PRKCA: variants seen among roughly 807,000 people sequenced by gnomAD.
PRKCA encodes protein kinase C alpha.
In PRKCA, 27 loss-of-function variants were observed where a neutral mutation model predicts 87.0. That is an observed-to-expected ratio of 0.31 (90% confidence interval 0.23 to 0.43). The LOEUF (loss-of-function observed/expected upper bound fraction) is 0.43, where lower values mean the gene tolerates loss of function less well. PRKCA is among the 20% of genes least tolerant of loss of function. The pLI is 1.00. For synonymous variants in PRKCA, 329 were observed against 311.1 expected, an observed-to-expected ratio of 1.06 and a Z score of -0.61; for missense variants, 518 against 852.3, an observed-to-expected ratio of 0.61 and a Z score of 4.88.
At chr17:66,510,565 T>C (rs551129516) in intron 3 of PRKCA, among the ~76,000 whole-genome samples, 29 of 152,306 alleles carry the variant, frequency 1.9e-4, no homozygotes, top group African/African-American at 6.3e-4. Flanking sequence ...AGCTAACAGC[T>C]TAAGGAATCA....
At chr17:66,787,005 T>C (rs1016224550) in intron 15 of PRKCA, 31 bp downstream of exon 15, 2 of 1,451,250 alleles carry the variant, frequency 1.4e-6, no homozygotes, top group Non-Finnish European at 1.9e-6. Context: ...TTTGTGATCA[T>C]GGACCAAGAG....
chr17:66,362,413 C>T (rs2048946491), intron 2 of PRKCA, among the ~76,000 whole-genome samples: 1 of 152,322 alleles, frequency 6.6e-6, no homozygotes, highest in East Asian at 1.9e-4. Context: ...CTTTAGCCTT[C>T]CTGATGCCTC....
intron 2 of PRKCA, among the ~76,000 whole-genome samples, chr17:66,493,627 T>C (rs575769257): frequency 6.6e-6 from 1 of 152,006 alleles, no homozygotes; most frequent in Admixed American, 6.6e-5. Flanking sequence ...ATTTGGGGGA[T>C]CTGGGCAGCA....
At position 66,687,114 on chromosome 17, in the gene PRKCA, G is replaced by A. The variant is rs151214307; in HGVS notation, c.533G>A (p.Arg178Gln). The change falls in exon 6 of 17, where the codon CGA becomes CAA. Residue 178 changes from arginine to glutamine, a missense_variant. Arg to Gln is a conservative substitution (Grantham distance 43). This residue lies in a region of PRKCA where 300 missense variants were observed against 496.8 expected (regional missense o/e 0.60). Transcript: ENST00000413366. ...VADEKLHVTV[R>Q]DAKNLIPMDP... is the part of the protein sequence containing the mutation. ...TTTCTTCCTTCTCTCTTCACAGTACGAGATGCAAAAAATCTAATCCCTATG... is the reference window on the plus strand; with the variant it reads ...TTTCTTCCTTCTCTCTTCACAGTACAAGATGCAAAAAATCTAATCCCTATG... 5.0e-6 allele frequency: 8 copies of A among 1,610,120 alleles called. No individual in the cohort carries two copies. The highest frequency in any genetic ancestry group is 1.3e-5 in the African/African-American group (1 of 74,832).
At chr17:66,389,704 G>C (rs1483484989) in intron 2 of PRKCA, among the ~76,000 whole-genome samples, 1 of 152,200 alleles carries the variant, frequency 6.6e-6, no homozygotes, top group Non-Finnish European at 1.5e-5. Context: ...TTCTTTTAGA[G>C]ATTGGCTGAG....
rs183923089 is a variant in PRKCA at position 66,567,204 on chromosome 17, A to G, written c.288+70921A>G. 2.5e-4 allele frequency among the ~76,000 whole-genome samples: 38 copies of G among 152,304 alleles called. No homozygotes were observed. The East Asian group carries it at 6.8e-3, about 27-fold the overall frequency. On this transcript the variant is annotated intron_variant, in intron 3 of 16. Coordinates refer to ENST00000413366, the MANE Select transcript of PRKCA (RefSeq NM_002737.3). ...CAGTATGAAATTCTGCCACAGGAATATAAGGTAATTAATTTCTCTAAGTAT... is the reference window on the plus strand; with the variant it reads ...CAGTATGAAATTCTGCCACAGGAATGTAAGGTAATTAATTTCTCTAAGTAT...
At chr17:66,669,841 G>C (rs190187237) in intron 5 of PRKCA, among the ~76,000 whole-genome samples, 135 of 152,362 alleles carry the variant, frequency 8.9e-4, no homozygotes, top group African/African-American at 3.2e-3. Flanking sequence ...GGCGGAGGTT[G>C]CAGTGAGCTG....
At chr17:66,710,124 A>C (rs1973287097) in intron 8 of PRKCA, among the ~76,000 whole-genome samples, 1 of 152,136 alleles carries the variant, frequency 6.6e-6, no homozygotes, top group South Asian at 2.1e-4. Flanking sequence ...TCCTGTCCTC[A>C]TAAAGCTTGA....
chr17:66,612,430 C>T (rs1243959793), intron 3 of PRKCA, among the ~76,000 whole-genome samples: 1 of 137,538 alleles, frequency 7.3e-6, no homozygotes, highest in Non-Finnish European at 1.6e-5. Flanking sequence ...ATATTTTAAA[C>T]ACCCAAGAGA....
In PRKCA at chr17:66,462,649, G is replaced by A. The variant is rs151000837; in HGVS notation, c.206-33552G>A. ...TATGTCCATTTTAGGATACTTTTTT[G>A]TAAGCCATGATATAGGTCTTCCCCA... On this transcript the variant is annotated intron_variant, in intron 2 of 16. Transcript: ENST00000413366. Among the ~76,000 whole-genome samples the A allele has an allele frequency of 1.6e-3, 238 of 152,128 alleles. 1 individual carries two copies. Among genetic ancestry groups the A allele is most frequent in the African/African-American group, 5.5e-3 (230 of 41,500 alleles).
At chr17:66,614,908 A>G (rs1970473928) in intron 3 of PRKCA, among the ~76,000 whole-genome samples, 1 of 152,188 alleles carries the variant, frequency 6.6e-6, no homozygotes, top group African/African-American at 2.4e-5. Context: ...CAAAAATTCC[A>G]AATAACAGCA....
At chr17:66,439,870 A>G (rs1913629750) in intron 2 of PRKCA, among the ~76,000 whole-genome samples, 1 of 152,210 alleles carries the variant, frequency 6.6e-6, no homozygotes, top group South Asian at 2.1e-4. Context: ...CAGCATTTCC[A>G]TGTTTTGAAA....
In PRKCA at chr17:66,680,460, G is replaced by C. The variant is rs559420660; in HGVS notation, c.530-6651G>C. On this transcript the variant is annotated intron_variant, in intron 5 of 16. Transcript: ENST00000413366. ...AGCCAGGAGCAGGGGTGCTCTTAGA[G>C]GGGGGGAGAAAAAGTAATAAAAACA... is the stretch of plus-strand genomic sequence containing the variant. Among the ~76,000 whole-genome samples, 75 of 152,216 alleles carry C rather than the reference G, an allele frequency of 4.9e-4. 1 individual carries two copies. The highest frequency in any genetic ancestry group is 1.8e-3 in the African/African-American group (73 of 41,534).
At chr17:66,392,646 T>C (rs1598635484) in intron 2 of PRKCA, among the ~76,000 whole-genome samples, 1 of 152,096 alleles carries the variant, frequency 6.6e-6, no homozygotes, top group Non-Finnish European at 1.5e-5. Flanking sequence ...TGAGGTGGTG[T>C]TTAGTCAGCT....
chr17:66,517,437 T>G (rs1460654835), intron 3 of PRKCA, among the ~76,000 whole-genome samples: 1 of 152,198 alleles, frequency 6.6e-6, no homozygotes, highest in Admixed American at 6.5e-5. Flanking sequence ...TACCACTTGT[T>G]GTAATTGTTC....
intron 3 of PRKCA, among the ~76,000 whole-genome samples, chr17:66,564,436 A>G (rs1403290816): frequency 1.3e-5 from 2 of 151,974 alleles, no homozygotes; most frequent in South Asian, 2.1e-4. Flanking sequence ...CAGCTCACAT[A>G]ATGTTTCTGT....
intron 3 of PRKCA, among the ~76,000 whole-genome samples, chr17:66,589,193 C>A (rs1969717344): frequency 6.6e-6 from 1 of 152,094 alleles, no homozygotes; most frequent in South Asian, 2.1e-4. Context: ...CTCCCATCCT[C>A]CCAAACTAGA....
chr17:66,369,663 G>A (rs1004932412), intron 2 of PRKCA, among the ~76,000 whole-genome samples: 2 of 152,148 alleles, frequency 1.3e-5, no homozygotes, highest in African/African-American at 2.4e-5. Context: ...GCACCTGCCC[G>A]TTTTCACTAT....
Position 66,472,909 on chromosome 17 carries a change from C to A in PRKCA, c.206-23292C>A, listed in dbSNP as rs554557521. ...TAATTTGTGGAGGTGAATGAGGCAG[C>A]CTTTGTTCTCTGCCAGACTTTAGTC... is the stretch of plus-strand genomic sequence containing the variant. On this transcript the variant is annotated intron_variant, in intron 2 of 16. Transcript: ENST00000413366. 9.9e-5 allele frequency among the ~76,000 whole-genome samples: 15 copies of A among 152,276 alleles called. No homozygotes were observed. In the South Asian group the frequency reaches 3.1e-3, roughly 32 times the overall value.
Sources: gnomAD v4.1 joint callset for allele counts (sites outside exome capture counted in the v4.1 genomes callset) on GRCh38, gnomAD v4.1.1 for gene constraint, gnomAD v4.1.1 regional missense constraint, MANE v1.5 for transcripts, NCBI Gene and HGNC (gene_info 2026-07-23, HGNC 2026-07-21) for gene names.